The following CNNM2 variants were observed in gnomAD, a reference collection of about 807,000 sequenced individuals.
The protein encoded by CNNM2 is cyclin and CBS domain divalent metal cation transport mediator 2.
In CNNM2, 12 loss-of-function variants were observed where a neutral mutation model predicts 66.9. That is an observed-to-expected ratio of 0.18 (90% CI 0.11 to 0.29). The LOEUF (loss-of-function observed/expected upper bound fraction) is 0.29, where lower values mean the gene tolerates loss of function less well. Ranked by LOEUF, CNNM2 falls within the 10% of genes least tolerant of loss-of-function variation. The pLI, the probability that CNNM2 is intolerant of heterozygous loss-of-function variation, is 1.00. For missense variants in CNNM2, 705 were observed against 1,167.7 expected (o/e 0.60, Z 5.77); for synonymous variants, 557 against 501.8 (o/e 1.11, Z -1.47).
intron 1 of CNNM2, among the ~76,000 whole-genome samples, chr10:102,933,129 A>G (rs985898609): frequency 6.6e-6 from 1 of 152,160 alleles, no homozygotes; most frequent in African/African-American, 2.4e-5. Flanking sequence ...TTGCATTTCC[A>G]TGTGAATTTT....
chr10:102,957,294 AG>A (rs1847079489), intron 1 of CNNM2, among the ~76,000 whole-genome samples: 1 of 152,228 alleles, frequency 6.6e-6, no homozygotes, highest in South Asian at 2.1e-4. Flanking sequence ...CAACAGAGCG[AG>A]ACTCCGTCTC....
At chr10:102,929,614 G>T (rs554264798) in intron 1 of CNNM2, among the ~76,000 whole-genome samples, 115 of 152,224 alleles carry the variant, frequency 7.6e-4, no homozygotes, top group African/African-American at 2.6e-3. Context: ...TTTCCTTAGA[G>T]TAAGAATACT....
chr10:103,063,629 G>A (rs1053786859), intron 4 of CNNM2, among the ~76,000 whole-genome samples: 39 of 152,216 alleles, frequency 2.6e-4, no homozygotes, highest in African/African-American at 9.2e-4. Context: ...TTTGTCCAAA[G>A]AAGGGCAGGA....
intron 2 of CNNM2, among the ~76,000 whole-genome samples, chr10:103,051,790 A>G (rs970440395): frequency 1.3e-5 from 2 of 152,144 alleles, no homozygotes; most frequent in Non-Finnish European, 2.9e-5. Context: ...AAAAGAAAAA[A>G]TTTTACACTT....
At chr10:102,995,787 C>T (rs147763879) in intron 1 of CNNM2, among the ~76,000 whole-genome samples, 4 of 151,710 alleles carry the variant, frequency 2.6e-5, no homozygotes, top group African/African-American at 9.7e-5. Flanking sequence ...AGTGCAGTGG[C>T]GTGATCTCGG....
intron 1 of CNNM2, among the ~76,000 whole-genome samples, chr10:102,981,551 C>T (rs1039184745): frequency 2.4e-4 from 37 of 151,616 alleles, no homozygotes; most frequent in African/African-American, 8.2e-4. Context: ...CCACCACACC[C>T]GGCTAACTTT....
chr10:102,993,058 T>G (rs1328018406), intron 1 of CNNM2, among the ~76,000 whole-genome samples: 1 of 152,204 alleles, frequency 6.6e-6, no homozygotes, highest in Non-Finnish European at 1.5e-5. Flanking sequence ...GATTGCAGGT[T>G]CTTGGTCCTT....
intron 1 of CNNM2, among the ~76,000 whole-genome samples, chr10:102,966,186 G>A (rs1166472075): frequency 1.4e-5 from 2 of 148,052 alleles, no homozygotes; most frequent in Non-Finnish European, 1.5e-5. Flanking sequence ...GAAAAATCTG[G>A]AATAAATAAA....
intron 4 of CNNM2, among the ~76,000 whole-genome samples, chr10:103,067,243 A>ATTTTTGT (rs1175610522): frequency 1.3e-5 from 2 of 151,904 alleles, no homozygotes; most frequent in East Asian, 3.9e-4. Context: ...TGCCTGGCTA[A>ATTTTTGT]TTTTTGTAGA....
At chr10:102,962,477 A>G (rs2063397318) in intron 1 of CNNM2, among the ~76,000 whole-genome samples, 2 of 152,186 alleles carry the variant, frequency 1.3e-5, no homozygotes, top group Admixed American at 1.3e-4. Context: ...CTAGTAGTCA[A>G]CTTTCCTGAG....
intron 1 of CNNM2, among the ~76,000 whole-genome samples, chr10:102,939,883 G>A (rs1207540119): frequency 2.0e-5 from 3 of 152,010 alleles, no homozygotes; most frequent in East Asian, 1.9e-4. Flanking sequence ...CAGGAGAATC[G>A]CTTGAATCCG....
chr10:103,074,385 C>T (rs2065653670), intron 6 of CNNM2, among the ~76,000 whole-genome samples: 1 of 152,202 alleles, frequency 6.6e-6, no homozygotes, highest in South Asian at 2.1e-4. Context: ...TTCAAAGATC[C>T]ATTCTGCTAA....
At chr10:103,051,197 C>T (rs1312143056) in intron 2 of CNNM2, among the ~76,000 whole-genome samples, 8 of 152,162 alleles carry the variant, frequency 5.3e-5, no homozygotes, top group Admixed American at 3.9e-4. Flanking sequence ...GTTTGGGAGG[C>T]CGAGGTGGGT....
chr10:102,953,912 A>G (rs531821069), intron 1 of CNNM2, among the ~76,000 whole-genome samples: 4 of 152,060 alleles, frequency 2.6e-5, no homozygotes, highest in Non-Finnish European at 5.9e-5. Flanking sequence ...GTGCTATTTA[A>G]TTTTACCTAA....
chr10:102,922,595 AC>A (rs1232174611), intron 1 of CNNM2, among the ~76,000 whole-genome samples: 3 of 152,116 alleles, frequency 2.0e-5, no homozygotes, highest in African/African-American at 7.2e-5. Context: ...CCCCAACAAT[AC>A]CAATTGTAAC....
rs575180548 is a variant in CNNM2, at chr10:103,017,126, G to A, written c.1622-32581G>A. Among the ~76,000 whole-genome samples, 11 of 152,234 alleles carry A rather than the reference G, an allele frequency of 7.2e-5. No homozygotes were observed. In the South Asian group the frequency reaches 2.3e-3, roughly 32 times the overall value. ...GGAAAGGTTTTATTCCTTAAGCTTG[G>A]TGGTAAGAACGTGGATGTTTGTTTT... is the stretch of plus-strand genomic sequence containing the variant. On this transcript the variant is annotated intron_variant, in intron 1 of 7. Transcript: ENST00000369878.
intron 1 of CNNM2, among the ~76,000 whole-genome samples, chr10:103,040,508 G>A (rs1405478762): frequency 6.6e-6 from 1 of 152,082 alleles, no homozygotes. Flanking sequence ...CTGTGCATGC[G>A]TGATGGAATG....
At chr10:102,983,817 A>G (rs373798392) in intron 1 of CNNM2, among the ~76,000 whole-genome samples, 14 of 151,252 alleles carry the variant, frequency 9.3e-5, no homozygotes, top group African/African-American at 3.2e-4. Flanking sequence ...CCAGGCTGGA[A>G]TACAGTGGCG....
At chr10:102,978,874 T>G (rs916601751) in intron 1 of CNNM2, among the ~76,000 whole-genome samples, 3 of 152,232 alleles carry the variant, frequency 2.0e-5, no homozygotes, top group African/African-American at 7.2e-5. Flanking sequence ...TCGTACAATA[T>G]GTACTGTATT....
Sources: allele counts gnomAD v4.1 joint callset (sites outside exome capture counted in the v4.1 genomes callset), GRCh38; gene constraint gnomAD v4.1.1; transcripts MANE v1.5; gene names NCBI Gene and HGNC (gene_info 2026-07-23, HGNC 2026-07-21).